The following MYO3B variants were observed in gnomAD, a reference collection of about 807,000 sequenced individuals.
MYO3B encodes the protein myosin IIIB.
Under a neutral mutation model 174.6 loss-of-function variants are expected in MYO3B, and 156 were observed. The observed-to-expected ratio is 0.89, with a 90% CI of 0.78 to 1.02. MYO3B has a LOEUF of 1.02. Among genes scored for constraint, MYO3B ranks in the 50% least tolerant of loss-of-function variants. MYO3B has a pLI of 0.00. For missense variants in MYO3B, 1,632 were observed against 1,639.4 expected (o/e 1.00, Z 0.08); for synonymous variants, 563 against 569.1 (o/e 0.99, Z 0.15).
At chr2:170,619,737 C>CTTTTTTTTTTTTTTTTTTTTTTTTTTT (rs71412032) in intron 32 of MYO3B, among the ~76,000 whole-genome samples, 1 of 50,778 alleles carries the variant, frequency 2.0e-5, no homozygotes, top group Non-Finnish European at 3.4e-5. Flanking sequence ...CTGCCATATT[C>CTTTTTTTTTTTTTTTTTTTTTTTTTTT]TTTTTTTTTT....
intron 32 of MYO3B, among the ~76,000 whole-genome samples, chr2:170,623,449 G>T (rs1301115645): frequency 1.3e-5 from 2 of 152,302 alleles, no homozygotes; most frequent in African/African-American, 4.8e-5. Context: ...ATTTGTTTGA[G>T]TTCTTTGTCG....
chr2:170,487,873 C>A (rs1686165814), intron 25 of MYO3B, among the ~76,000 whole-genome samples: 1 of 152,160 alleles, frequency 6.6e-6, no homozygotes, highest in Non-Finnish European at 1.5e-5. Context: ...ATCTCCCACG[C>A]TAATACAATT....
intron 16 of MYO3B, among the ~76,000 whole-genome samples, chr2:170,396,498 T>C (rs1039092408): frequency 6.6e-6 from 1 of 151,982 alleles, no homozygotes; most frequent in Non-Finnish European, 1.5e-5. Context: ...AGCCCAGAAA[T>C]ATAAACTCCT....
intron 32 of MYO3B, among the ~76,000 whole-genome samples, chr2:170,616,158 C>T (rs1043506464): frequency 2.0e-5 from 3 of 152,188 alleles, no homozygotes; most frequent in Non-Finnish European, 2.9e-5. Flanking sequence ...GCTAGACAAC[C>T]GGTTAGACCA....
intron 18 of MYO3B, among the ~76,000 whole-genome samples, chr2:170,402,013 T>C (rs527295664): frequency 6.6e-6 from 1 of 152,206 alleles, no homozygotes; most frequent in Admixed American, 6.5e-5. Flanking sequence ...TCCAGGACAG[T>C]TGAAGCATTT....
rs1699206017 is a variant in MYO3B at position 170,654,998 on chromosome 2, T to C, written c.*1877T>C. 5 of 152,194 alleles carry C rather than the reference T, an allele frequency of 3.3e-5. No homozygotes were observed. The allele number at this position is 152,194 out of a possible 1,614,324, so 9.4% of individuals were successfully genotyped here. ...TTAATATACGAGTGCTTTTGGAAGT[T>C]TCACTTTTGTCACTGATTGTCTACT... On this transcript the variant is annotated 3_prime_UTR_variant, in exon 35 of 35. Coordinates refer to ENST00000408978, the MANE Select transcript of MYO3B (RefSeq NM_138995.5).
At chr2:170,253,306 A>G (rs2105334604) in intron 7 of MYO3B, among the ~76,000 whole-genome samples, 2 of 152,232 alleles carry the variant, frequency 1.3e-5, no homozygotes, top group African/African-American at 4.8e-5. Flanking sequence ...TGAGAGGGAG[A>G]GAGGACTTAC....
At chr2:170,638,287 C>A (rs529435155) in intron 32 of MYO3B, among the ~76,000 whole-genome samples, 1 of 152,266 alleles carries the variant, frequency 6.6e-6, no homozygotes, top group Non-Finnish European at 1.5e-5. Flanking sequence ...AACAGCTGGG[C>A]AAAGGCTGAG....
chr2:170,340,749 T>A (rs995191955), intron 8 of MYO3B: 2 of 152,186 alleles, frequency 1.3e-5, no homozygotes, highest in African/African-American at 4.8e-5. Context: ...TCTGATTATA[T>A]GGCAGGTCAC....
chr2:170,498,743 T>C (rs745351550), intron 26 of MYO3B, 40 bp downstream of exon 26: 10 of 1,332,590 alleles, frequency 7.5e-6, no homozygotes, highest in Non-Finnish European at 8.6e-6. Flanking sequence ...CCGTATGATT[T>C]CTTTGTCTCT....
At chr2:170,631,462 C>A (rs1369379073) in intron 32 of MYO3B, among the ~76,000 whole-genome samples, 1 of 152,042 alleles carries the variant, frequency 6.6e-6, no homozygotes, top group Non-Finnish European at 1.5e-5. Flanking sequence ...TGGAACCAAG[C>A]TGGAAAACCC....
intron 23 of MYO3B, among the ~76,000 whole-genome samples, chr2:170,449,514 A>G (rs1471494684): frequency 6.6e-6 from 1 of 152,232 alleles, no homozygotes; most frequent in Non-Finnish European, 1.5e-5. Flanking sequence ...ACAGTGGCTC[A>G]TGCCTGTAAT....
chr2:170,291,562 T>C (rs1003244492), intron 7 of MYO3B, among the ~76,000 whole-genome samples: 1 of 152,232 alleles, frequency 6.6e-6, no homozygotes, highest in African/African-American at 2.4e-5. Context: ...GTAGTGTTTT[T>C]CTTCTTTTAG....
intron 28 of MYO3B, among the ~76,000 whole-genome samples, chr2:170,505,583 C>T (rs1007175125): frequency 6.6e-6 from 1 of 152,146 alleles, no homozygotes; most frequent in African/African-American, 2.4e-5. Context: ...GCTTACATTC[C>T]TCAGTGAAAA....
intron 8 of MYO3B, among the ~76,000 whole-genome samples, chr2:170,358,487 A>G (rs2094138974): frequency 6.6e-6 from 1 of 152,148 alleles, no homozygotes; most frequent in South Asian, 2.1e-4. Flanking sequence ...GGTGATGAAA[A>G]TGTTCTGAAA....
chr2:170,377,390 C>T (rs1433534572), intron 9 of MYO3B, among the ~76,000 whole-genome samples: 2 of 152,206 alleles, frequency 1.3e-5, no homozygotes, highest in African/African-American at 4.8e-5. Flanking sequence ...CATCTATGCC[C>T]ACTGTTGTCT....
intron 32 of MYO3B, among the ~76,000 whole-genome samples, chr2:170,570,590 A>G (rs1318424733): frequency 1.3e-5 from 2 of 152,174 alleles, no homozygotes; most frequent in Non-Finnish European, 2.9e-5. Flanking sequence ...TATGCCTTCC[A>G]CAGCAAATTA....
At chr2:170,584,228 A>G (rs1304043017) in intron 32 of MYO3B, among the ~76,000 whole-genome samples, 1 of 152,222 alleles carries the variant, frequency 6.6e-6, no homozygotes, top group African/African-American at 2.4e-5. Flanking sequence ...ATCTCCCTCC[A>G]ACAAACTTGG....
chr2:170,431,973 G>T (rs2094712853), intron 22 of MYO3B, among the ~76,000 whole-genome samples: 1 of 152,172 alleles, frequency 6.6e-6, no homozygotes, highest in East Asian at 1.9e-4. Context: ...CATTACTCAG[G>T]TGTTTGTGGT....
Sources: gnomAD v4.1 joint callset for allele counts (sites outside exome capture counted in the v4.1 genomes callset) on GRCh38, gnomAD v4.1.1 for gene constraint, MANE v1.5 for transcripts, NCBI Gene and HGNC (gene_info 2026-07-23, HGNC 2026-07-21) for gene names.